CAMTA1: variants seen among roughly 807,000 people sequenced by gnomAD.
CAMTA1 encodes calmodulin binding transcription activator 1.
In CAMTA1, 27 loss-of-function variants were observed where a neutral mutation model predicts 170.9. The observed-to-expected ratio is 0.16, with a 90% confidence interval of 0.12 to 0.22. The LOEUF (loss-of-function observed/expected upper bound fraction) is 0.22. Among genes scored for constraint, CAMTA1 ranks in the 10% least tolerant of loss-of-function variants. The pLI is 1.00. For missense variants in CAMTA1, 1,619 were observed against 2,217.2 expected, an observed-to-expected ratio of 0.73 and a Z score of 5.42; for synonymous variants, 833 against 891.5, an observed-to-expected ratio of 0.93 and a Z score of 1.17.
intron 5 of CAMTA1, among the ~76,000 whole-genome samples, chr1:7,294,433 G>C (rs566979964): frequency 1.8e-3 from 279 of 152,352 alleles, no homozygotes; most frequent in African/African-American, 6.0e-3. Flanking sequence ...CTGATGGAAG[G>C]TGTCTGCAAG....
intron 6 of CAMTA1, among the ~76,000 whole-genome samples, chr1:7,490,771 G>T (rs915967185): frequency 6.6e-6 from 1 of 152,172 alleles, no homozygotes; most frequent in Non-Finnish European, 1.5e-5. Flanking sequence ...TGCTGCTGCC[G>T]CAGGAGTCCT....
chr1:7,434,494 CCCCACTGAGT>C (rs1396838296), intron 5 of CAMTA1, among the ~76,000 whole-genome samples: 2 of 152,086 alleles, frequency 1.3e-5, no homozygotes, highest in Non-Finnish European at 2.9e-5. Context: ...TTCAGCAAAT[CCCCACTGAGT>C]CCCCCGCTAC....
intron 19 of CAMTA1, among the ~76,000 whole-genome samples, chr1:7,750,815 TA>T (rs1192355299): frequency 6.6e-6 from 1 of 152,190 alleles, no homozygotes; most frequent in African/African-American, 2.4e-5. Flanking sequence ...TTGGAAGGCA[TA>T]AAAAAATTAT....
chr1:7,650,070 G>A (rs1382716034), intron 7 of CAMTA1, among the ~76,000 whole-genome samples: 1 of 152,196 alleles, frequency 6.6e-6, no homozygotes, highest in African/African-American at 2.4e-5. Context: ...GGAGGCCCTA[G>A]AGCAGTCTTA....
intron 4 of CAMTA1, among the ~76,000 whole-genome samples, chr1:7,182,310 G>A (rs1487140209): frequency 2.6e-5 from 4 of 152,106 alleles, no homozygotes; most frequent in Non-Finnish European, 5.9e-5. Context: ...GGGGGCCAAG[G>A]CAGGTGGATT....
rs763935166 is a variant in CAMTA1, at chr1:6,918,512, G to A, written c.234+93302G>A. Among the ~76,000 whole-genome samples the A allele has an allele frequency of 3.9e-5, 6 of 152,178 alleles. No individual in the cohort carries two copies. The highest frequency in any genetic ancestry group is 7.2e-5 in the African/African-American group (3 of 41,446). On this transcript the variant is annotated intron_variant, in intron 3 of 22. Coordinates refer to ENST00000303635, the MANE Select transcript of CAMTA1 (RefSeq NM_015215.4). The surrounding 1 kb of genome is among the most constrained non-coding windows in gnomAD (Gnocchi z 4.0). ...TCTCCCAATTGCATATAAATGTCTC[G>A]GCTTTACTGTACTATTTGTGCTTGA...
chr1:7,425,679 G>A (rs949340709), intron 5 of CAMTA1, among the ~76,000 whole-genome samples: 9 of 148,110 alleles, frequency 6.1e-5, no homozygotes, highest in South Asian at 4.4e-4. Flanking sequence ...ACTCAAAGAC[G>A]TCAGGCATGG....
intron 5 of CAMTA1, among the ~76,000 whole-genome samples, chr1:7,384,687 G>T (rs759242224): frequency 1.2e-4 from 19 of 152,156 alleles, no homozygotes; most frequent in Non-Finnish European, 1.5e-4. Flanking sequence ...TCAAGTCTAG[G>T]TGTGCTAAAT....
intron 11 of CAMTA1, among the ~76,000 whole-genome samples, chr1:7,716,571 C>T (rs1048592669): frequency 2.0e-5 from 3 of 152,074 alleles, no homozygotes; most frequent in Admixed American, 6.6e-5. Flanking sequence ...CATGTAGAAT[C>T]CAGTATTCAG....
At chr1:7,498,773 G>A (rs1159540399) in intron 6 of CAMTA1, among the ~76,000 whole-genome samples, 1 of 147,728 alleles carries the variant, frequency 6.8e-6, no homozygotes, top group African/African-American at 2.5e-5. Flanking sequence ...TGAGCCTGGT[G>A]TGCATGTGTA....
intron 6 of CAMTA1, among the ~76,000 whole-genome samples, chr1:7,513,142 G>C (rs1317916332): frequency 6.6e-6 from 1 of 152,164 alleles, no homozygotes; most frequent in Non-Finnish European, 1.5e-5. Flanking sequence ...TGACGACCCA[G>C]GTGGGAGGTG....
chr1:6,984,986 A>T (rs1265823254), intron 3 of CAMTA1, among the ~76,000 whole-genome samples: 4 of 152,160 alleles, frequency 2.6e-5, no homozygotes, highest in Non-Finnish European at 5.9e-5. Flanking sequence ...CACCAGTTTT[A>T]CGTAGACTGC....
intron 6 of CAMTA1, among the ~76,000 whole-genome samples, chr1:7,563,856 A>T (rs570355239): frequency 2.4e-4 from 37 of 152,288 alleles, no homozygotes; most frequent in African/African-American, 8.9e-4. Context: ...CTGCCCATGG[A>T]ACTGCATTCT....
intron 6 of CAMTA1, among the ~76,000 whole-genome samples, chr1:7,566,801 G>A (rs543027784): frequency 7.2e-5 from 11 of 152,304 alleles, no homozygotes; most frequent in South Asian, 2.1e-4. Flanking sequence ...TTCATCGTGC[G>A]GGGAGGGCAA....
chr1:7,593,312 A>C (rs757181299), intron 6 of CAMTA1, among the ~76,000 whole-genome samples: 27 of 152,072 alleles, frequency 1.8e-4, no homozygotes, highest in Non-Finnish European at 3.2e-4. Context: ...GGAGTCCTGG[A>C]GTCTCTGCTC....
chr1:7,395,279 T>C (rs2089199934), intron 5 of CAMTA1, among the ~76,000 whole-genome samples: 1 of 152,220 alleles, frequency 6.6e-6, no homozygotes, highest in Non-Finnish European at 1.5e-5. Flanking sequence ...ATTTCATTGT[T>C]ATGCATGTAG....
rs547326051 is a variant in CAMTA1, at chr1:6,826,302, C to CT, written c.234+1093dup. 5.7e-4 allele frequency among the ~76,000 whole-genome samples: 87 copies of CT among 152,280 alleles called. 1 individual carries two copies. The highest frequency in any genetic ancestry group is 1.2e-3 in the Admixed American group (19 of 15,292). On this transcript the variant is annotated intron_variant, in intron 3 of 22. Transcript: ENST00000303635. ...TGATTGTAAAATTCTTTGAAGGACT[C>CT]TATGTTTTGATCATTTTCATAAATT...
chr1:7,392,258 C>CCT (rs2088792939), intron 5 of CAMTA1, among the ~76,000 whole-genome samples: 1 of 135,914 alleles, frequency 7.4e-6, no homozygotes, highest in African/African-American at 2.7e-5. Context: ...AGACCCCCAT[C>CCT]TTTTTTTTTT....
intron 4 of CAMTA1, among the ~76,000 whole-genome samples, chr1:7,208,170 G>A (rs1473072253): frequency 6.6e-6 from 1 of 152,224 alleles, no homozygotes; most frequent in African/African-American, 2.4e-5. Flanking sequence ...GCTGGCTTGT[G>A]CAGACATCTT....
Sources: gnomAD v4.1 joint callset for allele counts (sites outside exome capture counted in the v4.1 genomes callset) on GRCh38, gnomAD v4.1.1 for gene constraint, Gnocchi (gnomAD v3.1) non-coding constraint, MANE v1.5 for transcripts, NCBI Gene and HGNC (gene_info 2026-07-23, HGNC 2026-07-21) for gene names.